The following KLHDC10 variants were observed in gnomAD, a reference collection of about 807,000 sequenced individuals.
The protein encoded by KLHDC10 is kelch domain-containing protein 10.
A neutral mutation model predicts 56.1 loss-of-function variants in KLHDC10; 24 were observed. The observed-to-expected ratio is 0.43, with a 90% CI of 0.31 to 0.60. KLHDC10 has a LOEUF of 0.60. KLHDC10 is among the 20% of genes least tolerant of loss of function. The probability of loss-of-function intolerance (pLI) is 0.11; values close to 1 mark genes in which losing one functional copy is unlikely to be tolerated. For missense variants in KLHDC10, 349 were observed against 567.0 expected (o/e 0.62, Z 3.91); for synonymous variants, 188 against 207.1 (o/e 0.91, Z 0.79).
intron 1 of KLHDC10, among the ~76,000 whole-genome samples, chr7:130,087,967 G>A (rs1173111723): frequency 1.3e-5 from 2 of 151,746 alleles, no homozygotes; most frequent in African/African-American, 4.8e-5. Flanking sequence ...CACCATGTTG[G>A]CCAGGCTGGT....
chr7:130,094,896 A>G (rs1795828173), intron 1 of KLHDC10: 1 of 152,164 alleles, frequency 6.6e-6, no homozygotes, highest in African/African-American at 2.4e-5. Flanking sequence ...TTTCTTTAGG[A>G]ATAGATTCCT....
chr7:130,070,621 G>C lies in KLHDC10; in HGVS notation c.-23G>C, dbSNP rs1417083891. ...CTGGGTCAGGCGCTGACGGGACCGGGCTGCGGCAATCGTTAGCGGGTCATG... is the reference window on the plus strand; with the variant it reads ...CTGGGTCAGGCGCTGACGGGACCGGCCTGCGGCAATCGTTAGCGGGTCATG... On this transcript the variant is annotated 5_prime_UTR_variant, in exon 1 of 10. Transcript: ENST00000335420. 5.3e-6 allele frequency: 7 copies of C among 1,315,034 alleles called. No individual in the cohort carries two copies. Among genetic ancestry groups the C allele is most frequent in the Non-Finnish European group, 6.8e-6 (7 of 1,027,266 alleles). The allele number at this position is 1,315,034 out of a possible 1,614,324, so 81.5% of individuals were successfully genotyped here.
chr7:130,125,472 G>C (rs1205993837), intron 6 of KLHDC10, among the ~76,000 whole-genome samples: 1 of 152,094 alleles, frequency 6.6e-6, no homozygotes, highest in African/African-American at 2.4e-5. Flanking sequence ...GAACCTGGGA[G>C]GTAGAGGCTG....
At chr7:130,125,682 C>T (rs995252684) in intron 6 of KLHDC10, among the ~76,000 whole-genome samples, 183 bp from the exon 7 acceptor site, 5 of 152,136 alleles carry the variant, frequency 3.3e-5, no homozygotes, top group African/African-American at 1.2e-4. Flanking sequence ...TATATGTTTA[C>T]GCAGGCTGCT....
At chr7:130,093,266 G>A (rs548001894) in intron 1 of KLHDC10, among the ~76,000 whole-genome samples, 6 of 152,132 alleles carry the variant, frequency 3.9e-5, no homozygotes, top group Non-Finnish European at 5.9e-5. Context: ...GTGCAGTGGC[G>A]TGATCTTGGC....
At chr7:130,096,871 T>C in intron 1 of KLHDC10, 50 bp from the exon 2 acceptor site, 1 of 1,257,396 alleles carries the variant, frequency 8.0e-7, no homozygotes, top group South Asian at 1.3e-5. Flanking sequence ...TATGTATTAT[T>C]TGCAATGTGT....
rs1463697729 is a variant in KLHDC10, at chr7:130,134,025, A to G, written c.*3279A>G. 6.6e-6 allele frequency: 1 copy of G among 152,232 alleles called. No homozygotes were observed. The highest frequency in any genetic ancestry group is 1.5e-5 in the Non-Finnish European group (1 of 68,034). The allele number at this position is 152,232 out of a possible 1,614,324, so 9.4% of individuals were successfully genotyped here. On this transcript the variant is annotated 3_prime_UTR_variant, in exon 10 of 10. Coordinates refer to ENST00000335420, the MANE Select transcript of KLHDC10 (RefSeq NM_014997.4). ...ATTTTAAAGCATAATAAGCATATTA[A>G]CATTTTTAAGCAAAAGATACGTTAA... is the stretch of plus-strand genomic sequence containing the variant.
At chr7:130,088,571 C>T (rs192630277) in intron 1 of KLHDC10, among the ~76,000 whole-genome samples, 4 of 149,454 alleles carry the variant, frequency 2.7e-5, no homozygotes, top group East Asian at 2.0e-4. Context: ...CCACCAGTCC[C>T]GGCCGTGTCT....
rs1008580141 is a variant in KLHDC10, at chr7:130,120,193, G to A, written c.476-556G>A. 6.6e-6 allele frequency among the ~76,000 whole-genome samples: 1 copy of A among 152,156 alleles called. No homozygotes were observed. Among genetic ancestry groups the A allele is most frequent in the Non-Finnish European group, 1.5e-5 (1 of 68,036 alleles). On this transcript the variant is annotated intron_variant, in intron 3 of 9. Coordinates refer to ENST00000335420, the MANE Select transcript of KLHDC10 (RefSeq NM_014997.4). The surrounding 1 kb of genome is among the most constrained non-coding windows in gnomAD (Gnocchi z 5.1). ...ATGATACTTCATTTTTCTCTGCTTT[G>A]CTGCATGCTTGAACTGTCTTCAGCA...
At chr7:130,104,029 A>C (rs1795974977) in intron 2 of KLHDC10, among the ~76,000 whole-genome samples, 1 of 152,186 alleles carries the variant, frequency 6.6e-6, no homozygotes, top group South Asian at 2.1e-4. Context: ...CGGAGGTTGC[A>C]GTGAGCCAAG....
At chr7:130,128,392 C>T (rs1039226091) in intron 8 of KLHDC10, among the ~76,000 whole-genome samples, 10 of 152,172 alleles carry the variant, frequency 6.6e-5, no homozygotes, top group African/African-American at 2.2e-4. Flanking sequence ...CTAGGCATTT[C>T]GTTTGAAGGT....
intron 2 of KLHDC10, among the ~76,000 whole-genome samples, chr7:130,100,108 T>TA (rs34550140): frequency 0.21 from 29,320 of 142,334 alleles, 3,329 homozygotes; most frequent in Non-Finnish European, 0.27. Flanking sequence ...CCTGTCTCAT[T>TA]AAAAAAAAAA....
rs11332293 is a variant in KLHDC10, at chr7:130,123,471, GAAAA to G, written c.780-968_780-965del. 7.5e-5 allele frequency among the ~76,000 whole-genome samples: 9 copies of G among 120,330 alleles called. No individual in the cohort carries two copies. The East Asian group carries it at 1.8e-3, about 24-fold the overall frequency. The allele number at this position is 120,330 out of a possible 152,430, so 78.9% of individuals were successfully genotyped here. A position where few individuals can be genotyped will look rare whatever the true frequency, so the allele number is the denominator to read the frequency against. On this transcript the variant is annotated intron_variant, in intron 5 of 9. Transcript: ENST00000335420. ...GGCGACAGAGCAAGACTCCGTCTCA[GAAAA>G]AAAAAAAAAAAGAATTAAACTCACT...
In KLHDC10 at chr7:130,132,974, T is replaced by C. The variant is rs1422660230; in HGVS notation, c.*2228T>C. The C allele has an allele frequency of 6.6e-6, 1 of 152,258 alleles. No homozygotes were observed. The highest frequency in any genetic ancestry group is 2.4e-5 in the African/African-American group (1 of 41,456). The allele number at this position is 152,258 out of a possible 1,614,324, so 9.4% of individuals were successfully genotyped here. A position where few individuals can be genotyped will look rare whatever the true frequency, so the allele number is the denominator to read the frequency against. On this transcript the variant is annotated 3_prime_UTR_variant, in exon 10 of 10. Coordinates refer to ENST00000335420, the MANE Select transcript of KLHDC10 (RefSeq NM_014997.4). ...GATGTGGTCTGGTTCCATCCATACT[T>C]GCTGGCATCCTTTGTTAAGCCTTCT... is the stretch of plus-strand genomic sequence containing the variant.
intron 1 of KLHDC10, among the ~76,000 whole-genome samples, chr7:130,083,176 G>A (rs1374061185): frequency 6.6e-6 from 1 of 152,108 alleles, no homozygotes; most frequent in African/African-American, 2.4e-5. Context: ...TGGCAAACCT[G>A]TTACTTCATC....
At chr7:130,074,054 T>C (rs116589626) in intron 1 of KLHDC10, among the ~76,000 whole-genome samples, 358 of 152,276 alleles carry the variant, frequency 2.4e-3, no homozygotes, top group African/African-American at 7.9e-3. Context: ...AAGGCAAAAA[T>C]CTTTAACATG....
intron 5 of KLHDC10, among the ~76,000 whole-genome samples, chr7:130,122,590 C>G (rs1055935139): frequency 2.6e-5 from 4 of 152,188 alleles, no homozygotes; most frequent in Non-Finnish European, 5.9e-5. Context: ...CACTCTGTCA[C>G]CTAGGCTGGA....
chr7:130,071,728 T>C (rs1795413701), intron 1 of KLHDC10, among the ~76,000 whole-genome samples: 1 of 152,206 alleles, frequency 6.6e-6, no homozygotes, highest in African/African-American at 2.4e-5. Context: ...TCAGGAATGA[T>C]GTGTTAATTA....
rs554875191 is a variant in KLHDC10 at position 130,077,136 on chromosome 7, C to A, written c.166+6327C>A. ...TTGGGATGCTGAGGCAGGCGGATCACTTGAGGCCAGGAGCTTGAGACCAGT... is the reference window on the plus strand; with the variant it reads ...TTGGGATGCTGAGGCAGGCGGATCAATTGAGGCCAGGAGCTTGAGACCAGT... On this transcript the variant is annotated intron_variant, in intron 1 of 9. Transcript: ENST00000335420. Among the ~76,000 whole-genome samples, 11 of 151,964 alleles carry A rather than the reference C, an allele frequency of 7.2e-5. No individual in the cohort carries two copies. The South Asian group carries it at 2.3e-3, about 32-fold the overall frequency.
Sources: allele counts gnomAD v4.1 joint callset (sites outside exome capture counted in the v4.1 genomes callset), GRCh38; gene constraint gnomAD v4.1.1; non-coding constraint Gnocchi (gnomAD v3.1); transcripts MANE v1.5; gene names NCBI Gene and HGNC (gene_info 2026-07-23, HGNC 2026-07-21).